The following GPC6 variants were observed in gnomAD, a reference collection of about 807,000 sequenced individuals.
The protein encoded by GPC6 is glypican-6.
GPC6 carries 14 observed loss-of-function variants against 55.2 expected under a neutral mutation model. The ratio of observed to expected loss-of-function variants is 0.25; its 90% CI spans 0.17 to 0.40. The LOEUF (loss-of-function observed/expected upper bound fraction) is 0.40, where lower values mean the gene tolerates loss of function less well. Among genes scored for constraint, GPC6 ranks in the 10% least tolerant of loss-of-function variants. The pLI is 1.00. For missense variants in GPC6, 641 were observed against 708.5 expected (o/e 0.90, Z 1.08); for synonymous variants, 278 against 259.6 (o/e 1.07, Z -0.68).
intron 2 of GPC6, among the ~76,000 whole-genome samples, chr13:93,765,233 TG>T (rs1397251951): frequency 5.1e-5 from 4 of 78,556 alleles, no homozygotes; most frequent in Non-Finnish European, 7.5e-5. Context: ...AAAGATAAAT[TG>T]TCTGGAAAGA....
intron 2 of GPC6, among the ~76,000 whole-genome samples, chr13:93,610,517 C>G (rs917708856): frequency 6.6e-6 from 1 of 152,126 alleles, no homozygotes; most frequent in Middle Eastern, 3.4e-3. Flanking sequence ...GGAAGCGTAT[C>G]AGGAGATGAT....
chr13:93,880,662 T>C (rs1874906353), intron 3 of GPC6, among the ~76,000 whole-genome samples: 2 of 152,150 alleles, frequency 1.3e-5, no homozygotes, highest in South Asian at 4.2e-4. Flanking sequence ...CATGTATACA[T>C]ATGTAACTAA....
At chr13:94,228,593 CAG>C (rs1177040345) in intron 4 of GPC6, among the ~76,000 whole-genome samples, 1 of 151,786 alleles carries the variant, frequency 6.6e-6, no homozygotes, top group Non-Finnish European at 1.5e-5. Flanking sequence ...GGTGTCTAAA[CAG>C]GGGAGACTGT....
chr13:93,543,044 A>C (rs186648397), intron 1 of GPC6, among the ~76,000 whole-genome samples: 9 of 152,294 alleles, frequency 5.9e-5, no homozygotes, highest in Admixed American at 4.6e-4. Flanking sequence ...CACCGTGGCC[A>C]GAACTTCCGA....
intron 3 of GPC6, among the ~76,000 whole-genome samples, chr13:93,851,842 T>G (rs931283072): frequency 2.6e-5 from 4 of 151,778 alleles, no homozygotes; most frequent in Non-Finnish European, 5.9e-5. Context: ...AGTGAAATTC[T>G]AGGTCACTGA....
chr13:93,695,653 C>T (rs764474979), intron 2 of GPC6, among the ~76,000 whole-genome samples: 14 of 152,054 alleles, frequency 9.2e-5, no homozygotes, highest in Non-Finnish European at 1.9e-4. Flanking sequence ...TTAAACATTT[C>T]CACTCCAAAA....
intron 2 of GPC6, among the ~76,000 whole-genome samples, chr13:93,608,623 A>T (rs916395825): frequency 2.6e-5 from 4 of 152,128 alleles, no homozygotes; most frequent in African/African-American, 9.7e-5. Context: ...CTCCCTCTCC[A>T]CAACAGTCCT....
At chr13:93,643,383 A>T (rs868811182) in intron 2 of GPC6, among the ~76,000 whole-genome samples, 3 of 152,060 alleles carry the variant, frequency 2.0e-5, no homozygotes, top group African/African-American at 7.2e-5. Flanking sequence ...TTGACATAAG[A>T]TAGATTAACA....
intron 3 of GPC6, among the ~76,000 whole-genome samples, chr13:93,841,968 A>G (rs757310753): frequency 1.3e-4 from 20 of 152,148 alleles, no homozygotes; most frequent in Non-Finnish European, 2.1e-4. Flanking sequence ...TACTATTTTT[A>G]TAGTAGGTAC....
At chr13:93,978,056 C>A (rs1880603812) in intron 3 of GPC6, among the ~76,000 whole-genome samples, 1 of 152,036 alleles carries the variant, frequency 6.6e-6, no homozygotes, top group African/African-American at 2.4e-5. Context: ...CCACAAGAGT[C>A]CTTAAAAATG....
At chr13:93,610,617 C>G (rs889236590) in intron 2 of GPC6, among the ~76,000 whole-genome samples, 1 of 151,928 alleles carries the variant, frequency 6.6e-6, no homozygotes, top group African/African-American at 2.4e-5. Context: ...TATTATACAC[C>G]TATATGTTTA....
chr13:94,257,155 A>G (rs145873747), intron 4 of GPC6, among the ~76,000 whole-genome samples: 1 of 152,340 alleles, frequency 6.6e-6, no homozygotes, highest in African/African-American at 2.4e-5. Context: ...TTACAGCTCC[A>G]GTATCACCCT....
chr13:93,984,370 T>TA (rs1880933772), intron 3 of GPC6, among the ~76,000 whole-genome samples: 2 of 152,226 alleles, frequency 1.3e-5, no homozygotes, highest in Admixed American at 6.5e-5. Context: ...ACTCAGTTTT[T>TA]ATCCCTGTAA....
At chr13:93,740,927 T>G (rs943177348) in intron 2 of GPC6, among the ~76,000 whole-genome samples, 1 of 152,150 alleles carries the variant, frequency 6.6e-6, no homozygotes. Context: ...TTAACAAGAA[T>G]GTTTCTGGAA....
At chr13:93,828,102 A>G (rs1887333294) in intron 2 of GPC6, among the ~76,000 whole-genome samples, 1 of 152,106 alleles carries the variant, frequency 6.6e-6, no homozygotes, top group African/African-American at 2.4e-5. Flanking sequence ...TCTGTATTCA[A>G]TAAATTAAGC....
chr13:94,347,279 CCTG>C (rs1397141826), intron 6 of GPC6, among the ~76,000 whole-genome samples: 3 of 152,126 alleles, frequency 2.0e-5, no homozygotes, highest in Middle Eastern at 3.2e-3. Flanking sequence ...TTTTGGGAGT[CCTG>C]CTGATTTTTG....
In GPC6 at chr13:94,027,834, G is replaced by T; in HGVS notation, c.817G>T (p.Val273Phe). Residue 273 changes from valine to phenylalanine, a missense_variant, in exon 4 of 9, where the codon GTC (valine) becomes TTC (phenylalanine). Transcript: ENST00000377047. ...VRPCNNYCLN[V>F]MKGCLANQAD... is the part of the protein sequence containing the mutation. The stretch of plus-strand genomic sequence containing the variant: ...GCCCTGCAACAACTACTGTCTCAAC[G>T]TCATGAAGGGCTGCTTGGCAAATCA... The T allele has an allele frequency of 6.2e-7, 1 of 1,614,046 alleles. No individual in the cohort carries two copies. The highest frequency in any genetic ancestry group is 8.5e-7 in the Non-Finnish European group (1 of 1,179,956).
intron 1 of GPC6, among the ~76,000 whole-genome samples, chr13:93,322,307 C>T (rs550928517): frequency 5.0e-4 from 76 of 152,164 alleles, no homozygotes; most frequent in Non-Finnish European, 1.0e-3. Flanking sequence ...TGTTCACCCT[C>T]CAATAGGCCA....
At chr13:93,556,319 T>A (rs1022867475) in intron 2 of GPC6, among the ~76,000 whole-genome samples, 6 of 151,086 alleles carry the variant, frequency 4.0e-5, no homozygotes, top group Non-Finnish European at 2.9e-5. Flanking sequence ...GATGATATGT[T>A]TTGAAGCGCA....
Sources: gnomAD v4.1 joint callset for allele counts (sites outside exome capture counted in the v4.1 genomes callset) on GRCh38, gnomAD v4.1.1 for gene constraint, MANE v1.5 for transcripts, NCBI Gene and HGNC (gene_info 2026-07-23, HGNC 2026-07-21) for gene names.